The following NDUFA10 variants were observed in gnomAD, a reference collection of about 807,000 sequenced individuals.
NDUFA10 encodes NADH:ubiquinone oxidoreductase subunit A10, also known as NADH dehydrogenase [ubiquinone] 1 alpha subcomplex subunit 10, mitochondrial.
A neutral mutation model predicts 47.8 loss-of-function variants in NDUFA10; 40 were observed. The ratio of observed to expected loss-of-function variants is 0.84; its 90% CI spans 0.65 to 1.09. The LOEUF is 1.09. Among genes scored for constraint, NDUFA10 ranks in the 50% least tolerant of loss-of-function variants. NDUFA10 has a pLI of 0.00. For synonymous variants in NDUFA10, 183 were observed against 172.2 expected, an observed-to-expected ratio of 1.06 and a Z score of -0.49; for missense variants, 413 against 451.1, an observed-to-expected ratio of 0.92 and a Z score of 0.76.
chr2:239,933,915 T>C (rs1486211036), intron 4 of NDUFA10, among the ~76,000 whole-genome samples: 1 of 152,130 alleles, frequency 6.6e-6, no homozygotes, highest in Non-Finnish European at 1.5e-5. Flanking sequence ...TGGAGTGGAG[T>C]GACACGATCA....
At chr2:239,926,615 TA>T (rs34205278) in intron 4 of NDUFA10, among the ~76,000 whole-genome samples, 4 of 151,040 alleles carry the variant, frequency 2.6e-5, no homozygotes, top group Non-Finnish European at 4.4e-5. Flanking sequence ...CTCCTACTTA[TA>T]AAAAAAAATA....
At chr2:239,903,573 G>T (rs146499585) in intron 4 of NDUFA10, among the ~76,000 whole-genome samples, 10 of 152,210 alleles carry the variant, frequency 6.6e-5, no homozygotes, top group Non-Finnish European at 1.5e-4. Flanking sequence ...AAGGCTGGAC[G>T]CTGCCCTGTT....
At chr2:239,898,634 T>C (rs935727498) in intron 4 of NDUFA10, among the ~76,000 whole-genome samples, 1 of 152,232 alleles carries the variant, frequency 6.6e-6, no homozygotes, top group Non-Finnish European at 1.5e-5. Flanking sequence ...TCTCTTGCAC[T>C]GGTGAGCATG....
intron 4 of NDUFA10, among the ~76,000 whole-genome samples, chr2:239,902,026 C>T (rs1036849343): frequency 8.5e-5 from 13 of 152,116 alleles, no homozygotes; most frequent in Non-Finnish European, 7.4e-5. Context: ...GGAATCTACT[C>T]CTGGTGAAGA....
At chr2:239,972,650 CAT>C (rs1194144363) in intron 9 of NDUFA10, among the ~76,000 whole-genome samples, 1 of 152,036 alleles carries the variant, frequency 6.6e-6, no homozygotes, top group African/African-American at 2.4e-5. Context: ...TTTCAAAAAC[CAT>C]ATTTTTATTT....
intron 4 of NDUFA10, among the ~76,000 whole-genome samples, chr2:239,949,506 T>C (rs1694517140): frequency 6.6e-6 from 1 of 152,194 alleles, no homozygotes; most frequent in African/African-American, 2.4e-5. Flanking sequence ...ACTCTCTGCC[T>C]GTTTTTTGTT....
intron 8 of NDUFA10, among the ~76,000 whole-genome samples, chr2:239,998,568 T>C (rs775220280): frequency 1.4e-4 from 21 of 152,106 alleles, no homozygotes; most frequent in African/African-American, 3.1e-4. Context: ...AAGTGCCCCA[T>C]GCTAATGAGG....
At chr2:239,978,475 C>T (rs187353978) in intron 9 of NDUFA10, among the ~76,000 whole-genome samples, 2 of 152,294 alleles carry the variant, frequency 1.3e-5, no homozygotes, top group East Asian at 1.9e-4. Context: ...AATACTCTGG[C>T]GAGCTTGGTC....
intron 9 of NDUFA10, among the ~76,000 whole-genome samples, chr2:239,979,053 G>A (rs780125022): frequency 7.9e-5 from 12 of 152,246 alleles, no homozygotes; most frequent in Non-Finnish European, 1.5e-4. Flanking sequence ...CAGGGTGGGC[G>A]AGCCTCCCCA....
chr2:239,996,645 C>G (rs967662765), intron 8 of NDUFA10, among the ~76,000 whole-genome samples: 6 of 152,270 alleles, frequency 3.9e-5, no homozygotes, highest in Admixed American at 3.9e-4. Flanking sequence ...TGCTCAAGTC[C>G]CTTACATAAA....
At chr2:239,999,118 T>C (rs11685586) in intron 8 of NDUFA10, among the ~76,000 whole-genome samples, 87,469 of 151,956 alleles carry the variant, frequency 0.58, 25,347 homozygotes, top group Admixed American at 0.6. Flanking sequence ...ACTCCAGGAA[T>C]TCTGTGGCAG....
intron 4 of NDUFA10, among the ~76,000 whole-genome samples, chr2:239,933,222 C>A (rs1393822641): frequency 6.6e-6 from 1 of 152,210 alleles, no homozygotes; most frequent in African/African-American, 2.4e-5. Flanking sequence ...AGTTGAGGAA[C>A]AGAGGAACTC....
chr2:239,911,866 A>G (rs991096538), intron 4 of NDUFA10, among the ~76,000 whole-genome samples: 7 of 152,034 alleles, frequency 4.6e-5, no homozygotes, highest in African/African-American at 1.7e-4. Flanking sequence ...GACTGAGACA[A>G]GAATCACAGC....
intron 9 of NDUFA10, among the ~76,000 whole-genome samples, chr2:239,981,902 A>T (rs1325116868): frequency 6.9e-6 from 1 of 144,352 alleles, no homozygotes; most frequent in South Asian, 2.2e-4. Flanking sequence ...TTTCAACATT[A>T]AAAAAAAAAA....
intron 9 of NDUFA10, among the ~76,000 whole-genome samples, chr2:239,979,245 A>T (rs1695663929): frequency 6.6e-6 from 1 of 152,168 alleles, no homozygotes; most frequent in Non-Finnish European, 1.5e-5. Flanking sequence ...TTCCTATCTT[A>T]GAACCCCACC....
chr2:239,905,296 G>A (rs1693626333), intron 4 of NDUFA10, among the ~76,000 whole-genome samples: 1 of 152,238 alleles, frequency 6.6e-6, no homozygotes, highest in African/African-American at 2.4e-5. Context: ...GAGTCTCACA[G>A]AGGACAGAGG....
At chr2:239,947,654 G>A (rs924243738) in intron 4 of NDUFA10, among the ~76,000 whole-genome samples, 3 of 152,120 alleles carry the variant, frequency 2.0e-5, no homozygotes, top group Non-Finnish European at 2.9e-5. Flanking sequence ...GGGTCCTCCC[G>A]GGGCTCCTCT....
chr2:239,980,955 G>C (rs1344624422), intron 9 of NDUFA10, among the ~76,000 whole-genome samples: 2 of 152,164 alleles, frequency 1.3e-5, no homozygotes, highest in Admixed American at 6.5e-5. Context: ...TTCGTAACCA[G>C]AGCTTCTCTC....
intron 9 of NDUFA10, among the ~76,000 whole-genome samples, chr2:239,970,598 TGAG>T (rs1695269740): frequency 6.6e-6 from 1 of 152,232 alleles, no homozygotes; most frequent in Non-Finnish European, 1.5e-5. Flanking sequence ...TGAAAGTATA[TGAG>T]AATAACAGCA....
Sources: allele counts gnomAD v4.1 joint callset (sites outside exome capture counted in the v4.1 genomes callset), GRCh38; gene constraint gnomAD v4.1.1; transcripts MANE v1.5; gene names NCBI Gene and HGNC (gene_info 2026-07-23, HGNC 2026-07-21).